Variants in LRP5 observed in about 807,000 individuals in gnomAD.
LRP5 encodes the protein LDL receptor related protein 5.
A neutral mutation model predicts 154.1 loss-of-function variants in LRP5; 62 were observed. That is an observed-to-expected ratio of 0.40 (90% CI 0.33 to 0.50). The LOEUF is 0.50. Ranked by LOEUF, LRP5 falls within the 20% of genes least tolerant of loss-of-function variation. LRP5 has a pLI of 0.55. For missense variants in LRP5, 1,915 were observed against 2,336.7 expected (o/e 0.82, Z 3.72); for synonymous variants, 966 against 1,011.5 (o/e 0.96, Z 0.85).
chr11:68,351,563 G>A (rs945867833), intron 2 of LRP5, among the ~76,000 whole-genome samples: 2 of 152,050 alleles, frequency 1.3e-5, no homozygotes, highest in Non-Finnish European at 2.9e-5. Flanking sequence ...CCATCGTGTC[G>A]CCAGGACCTG....
At chr11:68,318,308 G>A (rs1224899283) in intron 1 of LRP5, among the ~76,000 whole-genome samples, 2 of 147,796 alleles carry the variant, frequency 1.4e-5, no homozygotes, top group Non-Finnish European at 3.0e-5. Flanking sequence ...GCTTCCCAAG[G>A]TGCTGGGATT....
At chr11:68,431,822 C>T (rs1239640509) in intron 17 of LRP5, among the ~76,000 whole-genome samples, 17 of 152,360 alleles carry the variant, frequency 1.1e-4, no homozygotes, top group Non-Finnish European at 2.9e-5. Context: ...GCACTAACTG[C>T]AGCCTTGGGC....
intron 16 of LRP5, among the ~76,000 whole-genome samples, chr11:68,428,766 T>G (rs995579355): frequency 2.1e-5 from 3 of 142,964 alleles, no homozygotes; most frequent in African/African-American, 7.9e-5. Flanking sequence ...GGGGGCACTA[T>G]CCAACCCCTT....
At chr11:68,388,836 T>A (rs2098644452) in intron 6 of LRP5, among the ~76,000 whole-genome samples, 1 of 152,150 alleles carries the variant, frequency 6.6e-6, no homozygotes, top group Non-Finnish European at 1.5e-5. Flanking sequence ...GAAGTGGGCA[T>A]CCCTGTCCCA....
the LRP5 span, among the ~76,000 whole-genome samples, chr11:68,304,864 G>A: frequency 6.6e-6 from 1 of 152,214 alleles, no homozygotes; most frequent in Admixed American, 6.5e-5. Flanking sequence ...TAATGCCTAT[G>A]CCCCCATTGT....
intron 21 of LRP5, 25 bp downstream of exon 21, chr11:68,439,941 C>T (rs1450398977): frequency 4.4e-5 from 19 of 427,260 alleles, no homozygotes; most frequent in East Asian, 3.0e-4. Flanking sequence ...CGGGGAGGGG[C>T]GGGGCGGGAT....
chr11:68,442,431 A>C (rs1475944992), intron 21 of LRP5, among the ~76,000 whole-genome samples: 1 of 152,052 alleles, frequency 6.6e-6, no homozygotes, highest in Non-Finnish European at 1.5e-5. Context: ...GTGCACCATC[A>C]TGCCAGGCTA....
At chr11:68,311,344 G>A (rs546584542), upstream of LRP5, among the ~76,000 whole-genome samples, 2 of 152,094 alleles carry the variant, frequency 1.3e-5, no homozygotes, top group African/African-American at 2.4e-5. Context: ...TTCCTCCCCC[G>A]AATCCAGCGA....
At chr11:68,409,171 AT>A (rs1455507060) in intron 9 of LRP5, among the ~76,000 whole-genome samples, 2 of 137,388 alleles carry the variant, frequency 1.5e-5, no homozygotes, top group African/African-American at 2.7e-5. Context: ...ATAAAAATAT[AT>A]ATTTATAAAT....
intron 1 of LRP5, among the ~76,000 whole-genome samples, chr11:68,331,743 CTGTGTG>C (rs60278908): frequency 0.15 from 22,068 of 147,342 alleles, 1,711 homozygotes; most frequent in Middle Eastern, 0.23. Flanking sequence ...TTCCTCTGGG[CTGTGTG>C]TGTGTGTGTG....
At chr11:68,407,480 CTT>C (rs2098656399) in intron 9 of LRP5, among the ~76,000 whole-genome samples, 1 of 150,562 alleles carries the variant, frequency 6.6e-6, no homozygotes, top group Non-Finnish European at 1.5e-5. Flanking sequence ...CCTAGGAAAA[CTT>C]TTTGCCTTCT....
At chr11:68,426,420 ACT>A (rs1446895969) in intron 16 of LRP5, among the ~76,000 whole-genome samples, 2 of 130,434 alleles carry the variant, frequency 1.5e-5, no homozygotes, top group Non-Finnish European at 3.2e-5. Context: ...GACAACACCA[ACT>A]CTTTTTTTTT....
At position 68,353,836 on chromosome 11, in the gene LRP5, G is replaced by C. The variant is rs1396519246; in HGVS notation, c.489-3814G>C. Among the ~76,000 whole-genome samples, 1 of 152,170 alleles carries C rather than the reference G, an allele frequency of 6.6e-6. No homozygotes were observed. Among genetic ancestry groups the C allele is most frequent in the Non-Finnish European group, 1.5e-5 (1 of 68,028 alleles). On this transcript the variant is annotated intron_variant, in intron 2 of 22. Transcript: ENST00000294304. This position sits in a 1 kb window ranked among gnomAD's most constrained non-coding sequence, Gnocchi z 4.5. ...AGGATCAAGAGCCCTGCAGCCAGGG[G>C]GGCCCCTCCTGAGACTCGACTTCGT...
chr11:68,425,831 G>A, intron 15 of LRP5, 147 bp from the exon 16 acceptor site: 1 of 722,544 alleles, frequency 1.4e-6, no homozygotes, highest in Non-Finnish European at 2.4e-6. Context: ...CTGCTTCCAG[G>A]GACTCTGCTG....
intron 1 of LRP5, among the ~76,000 whole-genome samples, chr11:68,338,769 C>T (rs2098607096): frequency 6.6e-6 from 1 of 152,086 alleles, no homozygotes; most frequent in East Asian, 1.9e-4. Context: ...AGCCAGCCTG[C>T]CCAGTGTGCA....
At chr11:68,419,266 C>T (rs1278385695) in intron 13 of LRP5, among the ~76,000 whole-genome samples, 1 of 152,006 alleles carries the variant, frequency 6.6e-6, no homozygotes, top group South Asian at 2.1e-4. Flanking sequence ...AGGGTCTCAC[C>T]CCAGTGCCCA....
At chr11:68,420,828 G>A (rs1022694624) in intron 13 of LRP5, among the ~76,000 whole-genome samples, 17 of 152,256 alleles carry the variant, frequency 1.1e-4, no homozygotes, top group South Asian at 2.1e-4. Context: ...ATTTCCTTCC[G>A]TGGTGAAGGT....
At chr11:68,371,969 T>C (rs530246627) in intron 5 of LRP5, among the ~76,000 whole-genome samples, 1 of 152,280 alleles carries the variant, frequency 6.6e-6, no homozygotes, top group Non-Finnish European at 1.5e-5. Flanking sequence ...TATGGGTTGG[T>C]GAGGTCCAGT....
At chr11:68,350,059 C>T (rs1411122056) in intron 2 of LRP5, among the ~76,000 whole-genome samples, 4 of 152,130 alleles carry the variant, frequency 2.6e-5, no homozygotes, top group South Asian at 2.1e-4. Context: ...TGGACCTCAC[C>T]GGTTGAGGGG....
Sources: gnomAD v4.1 joint callset for allele counts (sites outside exome capture counted in the v4.1 genomes callset) on GRCh38, gnomAD v4.1.1 for gene constraint, Gnocchi (gnomAD v3.1) non-coding constraint, MANE v1.5 for transcripts, NCBI Gene and HGNC (gene_info 2026-07-23, HGNC 2026-07-21) for gene names.